Variants in CTNNA3 observed in about 807,000 individuals in gnomAD.
The protein encoded by CTNNA3 is catenin alpha-3.
Under a neutral mutation model 95.7 loss-of-function variants are expected in CTNNA3, and 76 were observed. That is an observed-to-expected ratio of 0.79 (90% CI 0.66 to 0.96). The LOEUF (loss-of-function observed/expected upper bound fraction) is 0.96. CTNNA3 is among the 40% of genes least tolerant of loss of function. The probability of loss-of-function intolerance (pLI) is 0.00; values close to 1 mark genes in which losing one functional copy is unlikely to be tolerated. For missense variants in CTNNA3, 1,191 were observed against 1,089.8 expected (o/e 1.09, Z -1.31); for synonymous variants, 431 against 374.4 (o/e 1.15, Z -1.74).
intron 7 of CTNNA3, among the ~76,000 whole-genome samples, chr10:66,849,649 G>T (rs1156475481): frequency 6.6e-6 from 1 of 152,066 alleles, no homozygotes; most frequent in African/African-American, 2.4e-5. Context: ...AGAGAATAAG[G>T]CCATGTAAAG....
intron 16 of CTNNA3, among the ~76,000 whole-genome samples, chr10:65,985,504 GTC>G (rs1225290130): frequency 1.3e-5 from 2 of 151,162 alleles, no homozygotes; most frequent in African/African-American, 2.4e-5. Flanking sequence ...ATGAACACCA[GTC>G]TCTATATTAA....
intron 9 of CTNNA3, among the ~76,000 whole-genome samples, chr10:66,746,280 AG>A (rs1359884649): frequency 6.6e-6 from 1 of 152,144 alleles, no homozygotes; most frequent in African/African-American, 2.4e-5. Flanking sequence ...ATTTTATGAA[AG>A]GTATAATAGA....
chr10:66,378,151 G>A (rs2092809303), intron 12 of CTNNA3, among the ~76,000 whole-genome samples: 1 of 152,122 alleles, frequency 6.6e-6, no homozygotes, highest in African/African-American at 2.4e-5. Context: ...TTATTCAACT[G>A]TTGGTTTGTT....
chr10:66,954,069 C>T (rs1006548559), intron 7 of CTNNA3, among the ~76,000 whole-genome samples: 20 of 152,220 alleles, frequency 1.3e-4, no homozygotes, highest in African/African-American at 4.1e-4. Context: ...CATCATAATT[C>T]CTAACTTAAA....
chr10:67,110,933 C>A (rs540948352), intron 7 of CTNNA3, among the ~76,000 whole-genome samples: 1 of 152,054 alleles, frequency 6.6e-6, no homozygotes, highest in Non-Finnish European at 1.5e-5. Context: ...AATAAGTTTT[C>A]GTTCCTTTGA....
At chr10:67,551,555 C>G (rs1277934820) in intron 3 of CTNNA3, among the ~76,000 whole-genome samples, 1 of 152,182 alleles carries the variant, frequency 6.6e-6, no homozygotes, top group Non-Finnish European at 1.5e-5. Flanking sequence ...TAACGCAAGC[C>G]GTCTACGGAT....
chr10:67,252,862 T>C (rs1176901685), intron 5 of CTNNA3, among the ~76,000 whole-genome samples: 1 of 152,212 alleles, frequency 6.6e-6, no homozygotes, highest in Non-Finnish European at 1.5e-5. Context: ...ATTTAATGCA[T>C]TTTCCATCTA....
intron 13 of CTNNA3, among the ~76,000 whole-genome samples, chr10:66,110,069 A>G (rs1415719153): frequency 1.3e-5 from 2 of 152,116 alleles, no homozygotes; most frequent in Non-Finnish European, 2.9e-5. Context: ...TGAAAACAAT[A>G]TTCAAAAGGG....
rs1564509494 is a variant in CTNNA3 at position 65,912,842 on chromosome 10, A to T, written c.*7488T>A. On this transcript the variant is annotated 3_prime_UTR_variant, in exon 18 of 18. Coordinates refer to ENST00000433211, the MANE Select transcript of CTNNA3 (RefSeq NM_013266.4). ...TTCATTTTTATTGATTGGCAAAAAT[A>T]CTTTAAGGATAAATATGGACCAGAA... The T allele has an allele frequency of 6.6e-6, 1 of 152,196 alleles. No homozygotes were observed. Among genetic ancestry groups the T allele is most frequent in the African/African-American group, 2.4e-5 (1 of 41,448 alleles). The allele number at this position is 152,196 out of a possible 1,614,324, so 9.4% of individuals were successfully genotyped here.
At chr10:67,547,412 G>A (rs2133219140) in intron 3 of CTNNA3, among the ~76,000 whole-genome samples, 1 of 152,266 alleles carries the variant, frequency 6.6e-6, no homozygotes, top group East Asian at 1.9e-4. Flanking sequence ...TATTCATCAA[G>A]AGGTTAAGTA....
At chr10:66,969,210 G>A (rs1032466759) in intron 7 of CTNNA3, among the ~76,000 whole-genome samples, 7 of 151,838 alleles carry the variant, frequency 4.6e-5, no homozygotes, top group African/African-American at 1.7e-4. Context: ...AAAACCACCA[G>A]CAAACATTCA....
At chr10:66,389,865 A>G (rs1292419256) in intron 11 of CTNNA3, among the ~76,000 whole-genome samples, 2 of 151,948 alleles carry the variant, frequency 1.3e-5, no homozygotes, top group Non-Finnish European at 2.9e-5. Context: ...CAGGCTCCCA[A>G]GTAGCTAGAA....
intron 5 of CTNNA3, among the ~76,000 whole-genome samples, chr10:67,313,537 T>A (rs1171100174): frequency 6.6e-6 from 1 of 152,176 alleles, no homozygotes; most frequent in Non-Finnish European, 1.5e-5. Flanking sequence ...GTCATGTGAC[T>A]CTAATGAAGG....
chr10:67,465,934 G>A (rs2133010253), intron 5 of CTNNA3, among the ~76,000 whole-genome samples: 1 of 152,206 alleles, frequency 6.6e-6, no homozygotes, highest in Middle Eastern at 3.4e-3. Flanking sequence ...AATTTGTATA[G>A]TATTTTCACT....
rs1554906454 is a variant in CTNNA3 at position 67,052,348 on chromosome 10, C to CTCTCTT, written c.1047+127968_1047+127969insAAGAGA. On this transcript the variant is annotated intron_variant, in intron 7 of 17. Transcript: ENST00000433211. ...TCTCTCTCTCTCTCTCTCTCTCTCT[C>CTCTCTT]TCTCTCATTAAAAGCACTAAGCGGC... is the stretch of plus-strand genomic sequence containing the variant. Among the ~76,000 whole-genome samples, 549 of 134,356 alleles carry CTCTCTT rather than the reference C, an allele frequency of 4.1e-3. 40 individuals are homozygous for CTCTCTT. Among genetic ancestry groups the CTCTCTT allele is most frequent in the Non-Finnish European group, 5.6e-3 (341 of 60,750 alleles). 88.1% of individuals were successfully genotyped at this position (134,356 alleles called of 152,430 possible).
chr10:67,516,271 C>G (rs1839808930), intron 5 of CTNNA3, among the ~76,000 whole-genome samples: 1 of 152,110 alleles, frequency 6.6e-6, no homozygotes, highest in South Asian at 2.1e-4. Flanking sequence ...TTATAAGGTC[C>G]TTGTAGATAA....
chr10:65,976,422 A>C (rs1251485445), intron 16 of CTNNA3, among the ~76,000 whole-genome samples: 1 of 152,174 alleles, frequency 6.6e-6, no homozygotes, highest in East Asian at 1.9e-4. Flanking sequence ...AGACTCTTCC[A>C]AGGCCACAGT....
At chr10:67,210,760 TA>T (rs1354269330) in intron 6 of CTNNA3, among the ~76,000 whole-genome samples, 1 of 152,074 alleles carries the variant, frequency 6.6e-6, no homozygotes, top group African/African-American at 2.4e-5. Context: ...AAATAATAAA[TA>T]AAAATAAAAA....
intron 9 of CTNNA3, among the ~76,000 whole-genome samples, chr10:66,655,872 A>G (rs753238057): frequency 1.3e-5 from 2 of 152,138 alleles, no homozygotes; most frequent in Admixed American, 6.5e-5. Flanking sequence ...ATATACAAGT[A>G]TTAAGTAACT....
Sources: allele counts gnomAD v4.1 joint callset (sites outside exome capture counted in the v4.1 genomes callset), GRCh38; gene constraint gnomAD v4.1.1; transcripts MANE v1.5; gene names NCBI Gene and HGNC (gene_info 2026-07-23, HGNC 2026-07-21).